MMP26: variants seen among roughly 807,000 people sequenced by gnomAD.
The protein encoded by MMP26 is matrix metalloproteinase-26.
In MMP26, 33 loss-of-function variants were observed where a neutral mutation model predicts 31.0. The observed-to-expected ratio is 1.06, with a 90% CI of 0.81 to 1.42. The LOEUF (loss-of-function observed/expected upper bound fraction) is 1.42, where lower values mean the gene tolerates loss of function less well. MMP26 is among the 40% of genes most tolerant of loss of function. The pLI, the probability that MMP26 is intolerant of heterozygous loss-of-function variation, is 0.00. For synonymous variants in MMP26, 122 were observed against 114.9 expected (o/e 1.06, Z -0.40); for missense variants, 347 against 316.1 (o/e 1.10, Z -0.74).
At chr11:4,809,336 A>G (rs1438283639) in intron 2 of MMP26, among the ~76,000 whole-genome samples, 4 of 152,200 alleles carry the variant, frequency 2.6e-5, no homozygotes, top group African/African-American at 9.6e-5. Context: ...TAAAACCTCC[A>G]TGTAGGGTTT....
intron 2 of MMP26, among the ~76,000 whole-genome samples, chr11:4,792,265 C>T (rs542755316): frequency 9.2e-5 from 14 of 151,366 alleles, no homozygotes; most frequent in African/African-American, 3.2e-4. Context: ...TGAAAGAAAA[C>T]ACAAATAGCA....
intron 1 of MMP26, among the ~76,000 whole-genome samples, chr11:4,750,150 A>G (rs191919821): frequency 1.2e-4 from 19 of 152,236 alleles, no homozygotes; most frequent in African/African-American, 4.3e-4. Flanking sequence ...TCTAAAGAAG[A>G]CATACAAATG....
At chr11:4,759,135 A>AAAAAAAAAAAAAAG (rs1262302875) in intron 1 of MMP26, among the ~76,000 whole-genome samples, 1 of 143,702 alleles carries the variant, frequency 7.0e-6, no homozygotes, top group African/African-American at 2.7e-5. Context: ...AAAAAAAAAA[A>AAAAAAAAAAAAAAG]GACAAAAAAT....
chr11:4,742,721 GCTAA>G (rs2133293764), intron 1 of MMP26, among the ~76,000 whole-genome samples: 1 of 152,240 alleles, frequency 6.6e-6, no homozygotes, highest in South Asian at 2.1e-4. Flanking sequence ...GAACCAAAGG[GCTAA>G]CTTAGAATAT....
chr11:4,859,901 G>C (rs1850119450), intron 2 of MMP26: 1 of 471,160 alleles, frequency 2.1e-6, no homozygotes, highest in Non-Finnish European at 4.4e-6. Flanking sequence ...TTCAGGGTGA[G>C]TACATAAGAC....
At chr11:4,968,257 A>G (rs1370706734) in intron 2 of MMP26, among the ~76,000 whole-genome samples, 3 of 152,130 alleles carry the variant, frequency 2.0e-5, no homozygotes, top group East Asian at 3.8e-4. Context: ...CATTTTGACA[A>G]TACAAATATA....
chr11:4,847,195 T>C (rs1483530131), intron 2 of MMP26, among the ~76,000 whole-genome samples: 1 of 152,182 alleles, frequency 6.6e-6, no homozygotes, highest in Admixed American at 6.5e-5. Context: ...AGGACCACAA[T>C]GGCCAGAGAA....
intron 2 of MMP26, among the ~76,000 whole-genome samples, chr11:4,774,626 A>G (rs1240467206): frequency 6.6e-6 from 1 of 152,066 alleles, no homozygotes; most frequent in Non-Finnish European, 1.5e-5. Context: ...GAAGCTCTTT[A>G]GTTTAATTAG....
intron 2 of MMP26, among the ~76,000 whole-genome samples, chr11:4,906,655 T>C (rs1452967191): frequency 6.6e-6 from 1 of 152,220 alleles, no homozygotes; most frequent in East Asian, 1.9e-4. Context: ...ACTTTCTACA[T>C]AAAGCTCAGA....
At chr11:4,965,811 A>T (rs530286655) in intron 2 of MMP26, among the ~76,000 whole-genome samples, 1 of 152,244 alleles carries the variant, frequency 6.6e-6, no homozygotes, top group African/African-American at 2.4e-5. Flanking sequence ...GGTTCCATGG[A>T]CTTTCTTCTA....
chr11:4,722,193 C>T (rs761876613), intron 1 of MMP26, among the ~76,000 whole-genome samples: 2 of 152,178 alleles, frequency 1.3e-5, no homozygotes, highest in South Asian at 2.1e-4. Context: ...TTATTTATAG[C>T]AGTGTGAGAA....
At chr11:4,790,383 T>C (rs78669830) in intron 2 of MMP26, among the ~76,000 whole-genome samples, 1 of 152,254 alleles carries the variant, frequency 6.6e-6, no homozygotes, top group East Asian at 1.9e-4. Flanking sequence ...AATTATTAAA[T>C]AGTTTCATTT....
At chr11:4,780,241 G>A (rs183818960) in intron 2 of MMP26, among the ~76,000 whole-genome samples, 40 of 152,208 alleles carry the variant, frequency 2.6e-4, no homozygotes, top group Admixed American at 2.1e-3. Flanking sequence ...CATAAGGAAT[G>A]CAGTTTTAAC....
At chr11:4,812,267 A>G (rs1355001263) in intron 2 of MMP26, among the ~76,000 whole-genome samples, 3 of 152,166 alleles carry the variant, frequency 2.0e-5, no homozygotes, top group East Asian at 3.9e-4. Context: ...ATATGTGTAT[A>G]TGTAGTATAT....
chr11:4,745,986 C>T (rs922585561), intron 1 of MMP26, among the ~76,000 whole-genome samples: 1 of 152,076 alleles, frequency 6.6e-6, no homozygotes, highest in Non-Finnish European at 1.5e-5. Flanking sequence ...ATCAGGAATC[C>T]AAATTTTTAA....
intron 1 of MMP26, among the ~76,000 whole-genome samples, chr11:4,713,055 A>G (rs977464872): frequency 1.3e-5 from 2 of 152,000 alleles, no homozygotes; most frequent in Non-Finnish European, 2.9e-5. Flanking sequence ...TTCTAAATTG[A>G]CATTTCTATA....
chr11:4,786,492 CCTT>C (rs1848946198), intron 2 of MMP26, among the ~76,000 whole-genome samples: 2 of 92,428 alleles, frequency 2.2e-5, no homozygotes, highest in African/African-American at 8.1e-5. Context: ...ATCTGCTGAT[CCTT>C]TTTTTTTTTT....
chr11:4,921,693 C>T (rs1851186919), intron 2 of MMP26, among the ~76,000 whole-genome samples: 1 of 152,092 alleles, frequency 6.6e-6, no homozygotes, highest in South Asian at 2.1e-4. Context: ...CATTGTGTAC[C>T]TTTGTATGTA....
chr11:4,924,338 A>G (rs778157850), intron 2 of MMP26: 1 of 1,597,194 alleles, frequency 6.3e-7, no homozygotes, highest in Non-Finnish European at 8.5e-7. Context: ...AAGAATTGTC[A>G]TAGCTTTACA....
Sources: allele counts gnomAD v4.1 joint callset (sites outside exome capture counted in the v4.1 genomes callset), GRCh38; gene constraint gnomAD v4.1.1; transcripts MANE v1.5; gene names NCBI Gene and HGNC (gene_info 2026-07-23, HGNC 2026-07-21).